AZGP1: variants seen among roughly 807,000 people sequenced by gnomAD.
The protein encoded by AZGP1 is alpha-2-glycoprotein 1, zinc-binding.
Under a neutral mutation model 31.5 loss-of-function variants are expected in AZGP1, and 28 were observed. The ratio of observed to expected loss-of-function variants is 0.89; its 90% CI spans 0.66 to 1.22. The LOEUF (loss-of-function observed/expected upper bound fraction) is 1.22. Among genes scored for constraint, AZGP1 ranks in the 50% most tolerant of loss-of-function variants. AZGP1 has a pLI of 0.00. For synonymous variants in AZGP1, 135 were observed against 145.4 expected, an observed-to-expected ratio of 0.93 and a Z score of 0.51; for missense variants, 361 against 371.8, an observed-to-expected ratio of 0.97 and a Z score of 0.24.
At position 99,967,123 on chromosome 7, in the gene AZGP1, A is replaced by T; in HGVS notation, c.777T>A (p.Asn259Lys). 1.2e-6 allele frequency: 2 copies of T among 1,614,100 alleles called. No individual in the cohort carries two copies. Among genetic ancestry groups the T allele is most frequent in the Non-Finnish European group, 1.7e-6 (2 of 1,180,016 alleles). ...ELRGDVLHNG[N>K]GTYQSWVVVA... Reference sequence around the variant, plus strand: ...CCACCACCCAGGACTGGTAAGTGCCATTTCCATTGTGAAGAACATCTCCCC... The same window carrying T: ...CCACCACCCAGGACTGGTAAGTGCCTTTTCCATTGTGAAGAACATCTCCCC... Residue 259 changes from asparagine to lysine, a missense_variant, in exon 4 of 4, where the codon AAT becomes AAA. Transcript: ENST00000292401.
intron 1 of AZGP1, among the ~76,000 whole-genome samples, chr7:99,972,926 G>A (rs557001394): frequency 1.3e-5 from 2 of 152,276 alleles, no homozygotes; most frequent in Non-Finnish European, 2.9e-5. Context: ...GACCATCCTG[G>A]CTAACATGGT....
At position 99,967,027 on chromosome 7, in the gene AZGP1, G is replaced by C; in HGVS notation, c.873C>G (p.Leu291=). 1 of 1,613,852 alleles carries C rather than the reference G, an allele frequency of 6.2e-7. No individual in the cohort carries two copies. Among genetic ancestry groups the C allele is most frequent in the Non-Finnish European group, 8.5e-7 (1 of 1,179,800 alleles). Residue 291 remains leucine, a synonymous_variant, in exon 4 of 4, where the codon CTC becomes CTG. Coordinates refer to ENST00000292401, the MANE Select transcript of AZGP1 (RefSeq NM_001185.4). ...CCTAGCTGGCCTCCCAGGGCACCACGAGGGGCTGGGCCAGGCTGCTGTGCT... is the reference window on the plus strand; with the variant it reads ...CCTAGCTGGCCTCCCAGGGCACCACCAGGGGCTGGGCCAGGCTGCTGTGCT... ...HVQHSSLAQP[L]VVPWEAS
intron 1 of AZGP1, 108 bp downstream of exon 1, chr7:99,975,837 G>A (rs371146081): frequency 5.4e-5 from 66 of 1,230,724 alleles, no homozygotes; most frequent in African/African-American, 2.5e-4. Flanking sequence ...CATTCCTGCC[G>A]TATGCCAGGG....
At position 99,967,836 on chromosome 7, in the gene AZGP1, C is replaced by G. The variant is rs1789510429; in HGVS notation, c.613+319G>C. On this transcript the variant is annotated intron_variant, in intron 3 of 3. Transcript: ENST00000292401. The stretch of plus-strand genomic sequence containing the variant: ...GAATCTGAAATCTGGAATTTGAGTC[C>G]CAGCTCTGCCTCTTACAGACAGTGT... 7.3e-6 allele frequency: 4 copies of G among 548,802 alleles called. No homozygotes were observed. The East Asian group carries it at 1.2e-4, about 17-fold the overall frequency. The allele number at this position is 548,802 out of a possible 1,614,324, so 34.0% of individuals were successfully genotyped here.
chr7:99,967,259 T>C lies in AZGP1; in HGVS notation c.641A>G (p.His214Arg), dbSNP rs751968303. ...TTTCTTCTTTTCTCCTGGGGCCTGG[T>C]GGCTGGTGACCACCACAGAGGGAGG... ...QDPPSVVVTS[H>R]QAPGEKKKLK... The change falls in exon 4 of 4, where the codon CAC becomes CGC. Residue 214 changes from histidine to arginine, a missense_variant. His to Arg is a conservative substitution (Grantham distance 29). Coordinates refer to ENST00000292401, the MANE Select transcript of AZGP1 (RefSeq NM_001185.4). The C allele has an allele frequency of 4.3e-6, 7 of 1,612,862 alleles. No homozygotes were observed. Among genetic ancestry groups the C allele is most frequent in the Non-Finnish European group, 5.9e-6 (7 of 1,179,666 alleles).
chr7:99,971,500 A>C, intron 2 of AZGP1: 1 of 494,046 alleles, frequency 2.0e-6, no homozygotes, highest in Non-Finnish European at 3.6e-6. Flanking sequence ...CTGGATAGGA[A>C]GTGACTCTGC....
chr7:99,969,818 T>C (rs990192795), intron 2 of AZGP1, among the ~76,000 whole-genome samples: 18 of 152,196 alleles, frequency 1.2e-4, no homozygotes, highest in African/African-American at 3.9e-4. Flanking sequence ...CCTAATCTGA[T>C]CACTTCTTTC....
At position 99,968,260 on chromosome 7, in the gene AZGP1, C is replaced by G. The variant is rs1340054436; in HGVS notation, c.508G>C (p.Ala170Pro). The change falls in exon 3 of 4, where the codon GCA becomes CCA. Residue 170 changes from alanine to proline, a missense_variant. Coordinates refer to ENST00000292401, the MANE Select transcript of AZGP1 (RefSeq NM_001185.4). The stretch of plus-strand genomic sequence containing the variant: ...GCCCGCTGCACGTAGACTGGTTCTG[C>G]CTCCCACTTCTGCTTGGTTATCTGG... ...AAQITKQKWE[A>P]EPVYVQRAKA... The G allele has an allele frequency of 1.2e-6, 2 of 1,613,652 alleles. No individual in the cohort carries two copies. The highest frequency in any genetic ancestry group is 2.7e-5 in the African/African-American group (2 of 74,790).
chr7:99,969,609 A>G (rs889550810), intron 2 of AZGP1, among the ~76,000 whole-genome samples: 1 of 151,884 alleles, frequency 6.6e-6, no homozygotes, highest in Non-Finnish European at 1.5e-5. Flanking sequence ...GAATATGAAT[A>G]TATTTCTATC....
At chr7:99,969,535 G>T (rs569088449) in intron 2 of AZGP1, among the ~76,000 whole-genome samples, 1 of 151,478 alleles carries the variant, frequency 6.6e-6, no homozygotes, top group Admixed American at 6.6e-5. Flanking sequence ...AGCTGAGATT[G>T]CATCACTGCA....
intron 1 of AZGP1, among the ~76,000 whole-genome samples, chr7:99,974,971 T>TC (rs1214513013): frequency 6.6e-6 from 1 of 152,086 alleles, no homozygotes; most frequent in African/African-American, 2.4e-5. Context: ...CATCAACTCT[T>TC]CCCTGGGTCT....
intron 2 of AZGP1, 140 bp from the exon 3 acceptor site, chr7:99,968,570 A>C: frequency 9.3e-7 from 1 of 1,069,948 alleles, no homozygotes; most frequent in South Asian, 1.5e-5. Context: ...TTATCAAGAC[A>C]AATAGGTTAT....
Position 99,971,758 on chromosome 7 carries a change from T to C in AZGP1, c.325A>G (p.Asn109Asp), listed in dbSNP as rs147067825. 4 of 1,613,868 alleles carry C rather than the reference T, an allele frequency of 2.5e-6. No individual in the cohort carries two copies. In the African/African-American group the frequency reaches 4.0e-5, roughly 16 times the overall value. Residue 109 changes from asparagine (N) to aspartate (D), a missense_variant, in exon 2 of 4, where the codon AAC becomes GAC. Asn to Asp is a conservative substitution (Grantham distance 23, BLOSUM62 1). Coordinates refer to ENST00000292401, the MANE Select transcript of AZGP1 (RefSeq NM_001185.4). ...GTTATTCACTGACCGTTACTGTCGT[T>C]GTAATACTCCACGATGTCTTTCAGG... ...ETLKDIVEYY[N>D]DSNGSHVLQG... is the part of the protein sequence containing the mutation.
intron 1 of AZGP1, 134 bp downstream of exon 1, chr7:99,975,811 G>C: frequency 1.1e-6 from 1 of 914,174 alleles, no homozygotes; most frequent in Non-Finnish European, 1.8e-6. Flanking sequence ...TGAGGGAGTT[G>C]ACAGCCTTGG....
intron 1 of AZGP1, 143 bp from the exon 2 acceptor site, chr7:99,972,149 C>T (rs1161457034): frequency 8.9e-6 from 8 of 900,928 alleles, no homozygotes; most frequent in Non-Finnish European, 1.3e-5. Context: ...ACTGGAGGCT[C>T]ACTCAAGTGA....
Position 99,966,843 on chromosome 7 carries a change from C to T in AZGP1, c.*160G>A. 1 of 1,127,314 alleles carries T rather than the reference C, an allele frequency of 8.9e-7. No homozygotes were observed. Among genetic ancestry groups the T allele is most frequent in the Non-Finnish European group, 1.3e-6 (1 of 797,708 alleles). 69.8% of individuals were successfully genotyped at this position (1,127,314 alleles called of 1,614,324 possible). On this transcript the variant is annotated 3_prime_UTR_variant, in exon 4 of 4. Coordinates refer to ENST00000292401, the MANE Select transcript of AZGP1 (RefSeq NM_001185.4). ...TCCAAGTCTACTCAAGACAGGCATC[C>T]CAGTCTTCGGTCTCCAAATCCACCT...
Position 99,967,087 on chromosome 7 carries a change from G to C in AZGP1, c.813C>G (p.Pro271=). The part of the protein sequence containing the change: ...TYQSWVVVAV[P]PQDTAPYSCH... Reference sequence around the variant, plus strand: ...AGGAGTAGGGGGCTGTGTCCTGCGGGGGCACTGCCACCACCACCCAGGACT... The same window carrying C: ...AGGAGTAGGGGGCTGTGTCCTGCGGCGGCACTGCCACCACCACCCAGGACT... The change falls in exon 4 of 4, where the codon CCC becomes CCG. Residue 271 remains proline, a synonymous_variant. Transcript: ENST00000292401. 6.2e-7 allele frequency: 1 copy of C among 1,614,122 alleles called. No individual in the cohort carries two copies.
At position 99,967,010 on chromosome 7, in the gene AZGP1, G is replaced by A. The variant is rs1164348723; in HGVS notation, c.890C>T (p.Ala297Val). 1 of 1,612,690 alleles carries A rather than the reference G, an allele frequency of 6.2e-7. No individual in the cohort carries two copies. Residue 297 changes from alanine to valine, a missense_variant, in exon 4 of 4, where the codon GCC becomes GTC. Ala to Val is a moderately conservative substitution (Grantham distance 64, BLOSUM62 0). Transcript: ENST00000292401. ...LAQPLVVPWE[A>V]S is the part of the protein sequence containing the mutation. ...GCCTCCAACCCTTGCTTCCTAGCTG[G>A]CCTCCCAGGGCACCACGAGGGGCTG... is the stretch of plus-strand genomic sequence containing the variant.
chr7:99,975,418 C>T (rs942419465), intron 1 of AZGP1, among the ~76,000 whole-genome samples: 3 of 152,148 alleles, frequency 2.0e-5, no homozygotes, highest in African/African-American at 4.8e-5. Flanking sequence ...CTTGATCTCC[C>T]GGAGCTCCCA....
Sources: allele counts gnomAD v4.1 joint callset (sites outside exome capture counted in the v4.1 genomes callset), GRCh38; gene constraint gnomAD v4.1.1; transcripts MANE v1.5; gene names NCBI Gene and HGNC (gene_info 2026-07-23, HGNC 2026-07-21).